The following SH3RF3 variants were observed in gnomAD, a reference collection of about 807,000 sequenced individuals.
The protein encoded by SH3RF3 is E3 ubiquitin-protein ligase SH3RF3.
Under a neutral mutation model 66.3 loss-of-function variants are expected in SH3RF3, and 29 were observed. That is an observed-to-expected ratio of 0.44 (90% CI 0.33 to 0.60). SH3RF3 has a LOEUF of 0.60. Ranked by LOEUF, SH3RF3 falls within the 20% of genes least tolerant of loss-of-function variation. The probability of loss-of-function intolerance (pLI) is 0.04; values close to 1 mark genes in which losing one functional copy is unlikely to be tolerated. For synonymous variants in SH3RF3, 583 were observed against 532.0 expected (o/e 1.10, Z -1.32); for missense variants, 1,194 against 1,190.9 (o/e 1.00, Z -0.04).
chr2:109,451,535 T>A (rs551558452), intron 8 of SH3RF3, among the ~76,000 whole-genome samples: 1 of 151,158 alleles, frequency 6.6e-6, no homozygotes, highest in Non-Finnish European at 1.5e-5. Flanking sequence ...TCTATGACAT[T>A]ACGTCCTGTA....
chr2:109,383,894 C>T (rs1021785511), intron 3 of SH3RF3, among the ~76,000 whole-genome samples: 3 of 152,184 alleles, frequency 2.0e-5, no homozygotes, highest in African/African-American at 7.2e-5. Context: ...CCCCTTCCAC[C>T]CTACCACCCC....
intron 1 of SH3RF3, among the ~76,000 whole-genome samples, chr2:109,256,862 G>A (rs568075621): frequency 8.1e-4 from 124 of 152,214 alleles, no homozygotes; most frequent in African/African-American, 2.7e-3. Flanking sequence ...CCATTGTCCC[G>A]GAGACTAACC....
At chr2:109,487,200 C>T (rs1487217163) in intron 8 of SH3RF3, among the ~76,000 whole-genome samples, 1 of 152,196 alleles carries the variant, frequency 6.6e-6, no homozygotes, top group African/African-American at 2.4e-5. Flanking sequence ...AATCTTTCAG[C>T]CCAGATCAGC....
intron 1 of SH3RF3, among the ~76,000 whole-genome samples, chr2:109,275,432 C>G (rs751027446): frequency 2.0e-5 from 3 of 152,168 alleles, no homozygotes; most frequent in Non-Finnish European, 4.4e-5. Context: ...TTCAGTTGGA[C>G]CGACACCGGA....
At chr2:109,495,140 A>AT (rs1679225717) in intron 9 of SH3RF3, among the ~76,000 whole-genome samples, 2 of 152,286 alleles carry the variant, frequency 1.3e-5, no homozygotes, top group Admixed American at 1.3e-4. Context: ...TGTCTGGCAT[A>AT]TTCTTGTCCT....
chr2:109,458,572 C>CAGAG (rs70958708), intron 8 of SH3RF3, among the ~76,000 whole-genome samples: 1,497 of 123,044 alleles, frequency 0.012, 73 homozygotes, highest in African/African-American at 0.026. Context: ...CAGCAGGAGA[C>CAGAG]AGAGAGAGAG....
At chr2:109,236,963 G>C (rs967657676) in intron 1 of SH3RF3, among the ~76,000 whole-genome samples, 3 of 152,054 alleles carry the variant, frequency 2.0e-5, no homozygotes, top group Non-Finnish European at 4.4e-5. Context: ...CTGGCCTAAG[G>C]GTTTAATATT....
chr2:109,389,232 C>T (rs568127245), intron 3 of SH3RF3, among the ~76,000 whole-genome samples: 1 of 151,834 alleles, frequency 6.6e-6, no homozygotes, highest in South Asian at 2.1e-4. Context: ...CCCTCCTGGT[C>T]CTCAGCAAGA....
At chr2:109,333,088 C>T (rs1165074375) in intron 1 of SH3RF3, among the ~76,000 whole-genome samples, 1 of 152,248 alleles carries the variant, frequency 6.6e-6, no homozygotes, top group East Asian at 1.9e-4. Flanking sequence ...AGCTCCAGTG[C>T]TGCCTCAGTG....
chr2:109,260,792 C>T (rs751551659), intron 1 of SH3RF3, among the ~76,000 whole-genome samples: 1 of 152,166 alleles, frequency 6.6e-6, no homozygotes, highest in Non-Finnish European at 1.5e-5. Context: ...TGTGTCTGAA[C>T]CAAGTTCCTA....
At chr2:109,203,406 A>G (rs60784032) in intron 1 of SH3RF3, among the ~76,000 whole-genome samples, 2,395 of 152,248 alleles carry the variant, frequency 0.016, 78 homozygotes, top group African/African-American at 0.054. Flanking sequence ...CCGCGTCCCT[A>G]CGAGCGCATC....
intron 1 of SH3RF3, among the ~76,000 whole-genome samples, chr2:109,202,639 A>G (rs543479935): frequency 2.0e-5 from 3 of 152,194 alleles, no homozygotes; most frequent in Admixed American, 2.0e-4. Flanking sequence ...GGCCCCAGGA[A>G]CCTGGGTCCT....
At chr2:109,153,724 G>GCAAA (rs1558929271) in intron 1 of SH3RF3, among the ~76,000 whole-genome samples, 1 of 152,198 alleles carries the variant, frequency 6.6e-6, no homozygotes, top group Non-Finnish European at 1.5e-5. Flanking sequence ...TGTCTGCTGT[G>GCAAA]CGTTTTGTGC....
intron 3 of SH3RF3, among the ~76,000 whole-genome samples, chr2:109,395,041 T>C (rs1676104149): frequency 6.6e-6 from 1 of 152,208 alleles, no homozygotes; most frequent in African/African-American, 2.4e-5. Context: ...CAGGCCCAGC[T>C]TTATGACGTG....
intron 4 of SH3RF3, among the ~76,000 whole-genome samples, chr2:109,409,357 G>A (rs750580025): frequency 6.6e-6 from 1 of 152,168 alleles, no homozygotes; most frequent in Non-Finnish European, 1.5e-5. Context: ...AGTATCTGCC[G>A]CAGTGACTCA....
At position 109,350,621 on chromosome 2, in the gene SH3RF3, T is replaced by C. The variant is rs1384331421; in HGVS notation, c.849+2672T>C. Among the ~76,000 whole-genome samples the C allele has an allele frequency of 2.6e-5, 4 of 152,322 alleles. No homozygotes were observed. In the South Asian group the frequency reaches 6.2e-4, roughly 24 times the overall value. On this transcript the variant is annotated intron_variant, in intron 2 of 9. Coordinates refer to ENST00000309415, the MANE Select transcript of SH3RF3 (RefSeq NM_001099289.3). ...CCGCAAATAAAGGCTCCAAGAGACA[T>C]GGGCAACTCCATGTGACTCTCCGCT...
Position 109,398,700 on chromosome 2 carries a change from C to T in SH3RF3, c.1056C>T (p.Ala352=). The T allele has an allele frequency of 6.2e-7, 1 of 1,612,072 alleles. No individual in the cohort carries two copies. Among genetic ancestry groups the T allele is most frequent in the South Asian group, 1.1e-5 (1 of 90,434 alleles). ...ACTCCGGCGCTGTGGCCAGCGTGGC[C>T]CCAAGTCCCACTTTAAGCAGCTCAG... ...PSDSGAVASV[A]PSPTLSSSGA... Residue 352 remains alanine, a synonymous_variant, in exon 4 of 10, where the codon GCC becomes GCT. Transcript: ENST00000309415.
intron 1 of SH3RF3, among the ~76,000 whole-genome samples, chr2:109,178,692 A>C (rs999593435): frequency 6.6e-6 from 1 of 152,172 alleles, no homozygotes; most frequent in Non-Finnish European, 1.5e-5. Flanking sequence ...ACTTTGTCAA[A>C]GTTCTTGTGT....
chr2:109,261,457 C>T (rs1680352635), intron 1 of SH3RF3, among the ~76,000 whole-genome samples: 1 of 152,202 alleles, frequency 6.6e-6, no homozygotes, highest in African/African-American at 2.4e-5. Flanking sequence ...AGGATGTTTG[C>T]TTCTTGGCTT....
Sources: allele counts gnomAD v4.1 joint callset (sites outside exome capture counted in the v4.1 genomes callset), GRCh38; gene constraint gnomAD v4.1.1; transcripts MANE v1.5; gene names NCBI Gene and HGNC (gene_info 2026-07-23, HGNC 2026-07-21).